The following TRIO variants were observed in gnomAD, a reference collection of about 807,000 sequenced individuals.
TRIO encodes the protein triple functional domain protein.
In TRIO, 58 loss-of-function variants were observed where a neutral mutation model predicts 351.9. The ratio of observed to expected loss-of-function variants is 0.16; its 90% confidence interval spans 0.13 to 0.21. TRIO has a LOEUF of 0.21. Among genes scored for constraint, TRIO ranks in the 10% least tolerant of loss-of-function variants. TRIO has a pLI of 1.00. For missense variants in TRIO, 3,201 were observed against 4,027.8 expected, an observed-to-expected ratio of 0.79 and a Z score of 5.56; for synonymous variants, 1,758 against 1,595.7, an observed-to-expected ratio of 1.10 and a Z score of -2.42.
In TRIO at chr5:14,456,052, C is replaced by T. The variant is rs1200736869; in HGVS notation, c.5204-4967C>T. 6.6e-5 allele frequency among the ~76,000 whole-genome samples: 10 copies of T among 152,256 alleles called. No individual in the cohort carries two copies. The East Asian group carries it at 1.3e-3, about 21-fold the overall frequency. On this transcript the variant is annotated intron_variant, in intron 34 of 56. Transcript: ENST00000344204. Reference sequence around the variant, plus strand: ...GCCTGGCGAGAATTCAAGCGCGGTGCGGGCGGGCTGGCTGGCAGTGCTGGG... The same window carrying T: ...GCCTGGCGAGAATTCAAGCGCGGTGTGGGCGGGCTGGCTGGCAGTGCTGGG...
chr5:14,358,167 C>T lies in TRIO; in HGVS notation c.2047-11C>T. 4 of 1,609,286 alleles carry T rather than the reference C, an allele frequency of 2.5e-6. No individual in the cohort carries two copies. The highest frequency in any genetic ancestry group is 3.4e-6 in the Non-Finnish European group (4 of 1,176,506). ...GGCCGGCCGGCCTCACCCCCCTCTC[C>T]CCTTCCCCAGCTGTGGACGTGGCTG... On this transcript the variant is annotated splice_polypyrimidine_tract_variant and intron_variant, in intron 11 of 56. Transcript: ENST00000344204.
intron 33 of TRIO, among the ~76,000 whole-genome samples, chr5:14,414,536 C>T (rs953231712): frequency 6.6e-6 from 1 of 152,168 alleles, no homozygotes; most frequent in Non-Finnish European, 1.5e-5. Flanking sequence ...ACTGTCCTCA[C>T]TCCTTCTTTT....
At chr5:14,485,564 A>G (rs1415599884) in intron 47 of TRIO, among the ~76,000 whole-genome samples, 1 of 152,150 alleles carries the variant, frequency 6.6e-6, no homozygotes. Flanking sequence ...TCGCAGCTAC[A>G]CTGTCCCACA....
intron 1 of TRIO, among the ~76,000 whole-genome samples, chr5:14,174,479 A>G (rs1789290957): frequency 6.6e-6 from 1 of 151,920 alleles, no homozygotes; most frequent in Non-Finnish European, 1.5e-5. Context: ...ACTTCCTCTC[A>G]CCTTCCTAGT....
chr5:14,256,082 C>G (rs559598126), intron 1 of TRIO, among the ~76,000 whole-genome samples: 1 of 152,234 alleles, frequency 6.6e-6, no homozygotes, highest in South Asian at 2.1e-4. Context: ...TTTATTTTGG[C>G]TCATTGTTCT....
At chr5:14,460,950 T>C (rs1579722854) in intron 34 of TRIO, 69 bp from the exon 35 acceptor site, 1 of 1,445,156 alleles carries the variant, frequency 6.9e-7, no homozygotes, top group East Asian at 2.5e-5. Flanking sequence ...GCCTGCGGGA[T>C]AATGGCATGG....
intron 1 of TRIO, among the ~76,000 whole-genome samples, chr5:14,199,291 A>G (rs1165075888): frequency 1.3e-5 from 2 of 150,146 alleles, no homozygotes; most frequent in African/African-American, 4.9e-5. Flanking sequence ...GTTGTGAGGT[A>G]TTTATATTAA....
intron 27 of TRIO, among the ~76,000 whole-genome samples, chr5:14,392,457 G>T (rs1443602235): frequency 6.6e-6 from 1 of 152,196 alleles, no homozygotes; most frequent in Non-Finnish European, 1.5e-5. Flanking sequence ...TGGAGAAATA[G>T]GAATGCTTTT....
chr5:14,190,226 G>A (rs1040891062), intron 1 of TRIO, among the ~76,000 whole-genome samples: 3 of 152,098 alleles, frequency 2.0e-5, no homozygotes, highest in South Asian at 2.1e-4. Flanking sequence ...CTGCTTGTGC[G>A]GTGCCAGGCA....
At chr5:14,343,729 C>T (rs1314193278) in intron 11 of TRIO, among the ~76,000 whole-genome samples, 1 of 152,206 alleles carries the variant, frequency 6.6e-6, no homozygotes, top group Non-Finnish European at 1.5e-5. Flanking sequence ...TATGAACAAT[C>T]CTGTCTAGGT....
At chr5:14,475,013 A>G (rs1209670050) in intron 40 of TRIO, among the ~76,000 whole-genome samples, 1 of 152,274 alleles carries the variant, frequency 6.6e-6, no homozygotes, top group South Asian at 2.1e-4. Context: ...ACGATTGCCC[A>G]TGAAATTCAA....
In TRIO at chr5:14,207,493, C is replaced by CAG. The variant is rs1368546119; in HGVS notation, c.158-63331_158-63330dup. Among the ~76,000 whole-genome samples the CAG allele has an allele frequency of 2.7e-4, 16 of 60,020 alleles. 2 individuals are homozygous for CAG. Among genetic ancestry groups the CAG allele is most frequent in the Non-Finnish European group, 4.5e-4 (11 of 24,334 alleles). 39.4% of individuals were successfully genotyped at this position (60,020 alleles called of 152,430 possible). ...ACACACACACACACACACACACACACAGCCAGGTAGCATAGCAAGACTGTC... is the reference window on the plus strand; with the variant it reads ...ACACACACACACACACACACACACACAGAGCCAGGTAGCATAGCAAGACTGTC... On this transcript the variant is annotated intron_variant, in intron 1 of 56. Coordinates refer to ENST00000344204, the MANE Select transcript of TRIO (RefSeq NM_007118.4).
rs533934496 is a variant in TRIO, at chr5:14,238,627, G to A, written c.158-32198G>A. 4.6e-5 allele frequency among the ~76,000 whole-genome samples: 7 copies of A among 152,330 alleles called. No individual in the cohort carries two copies. The South Asian group carries it at 1.5e-3, about 32-fold the overall frequency. On this transcript the variant is annotated intron_variant, in intron 1 of 56. Transcript: ENST00000344204. ...AGCAGACGATATTAAAGAGAATTCAGTGTTAATGTAACTTTTCATATTTCA... is the reference window on the plus strand; with the variant it reads ...AGCAGACGATATTAAAGAGAATTCAATGTTAATGTAACTTTTCATATTTCA...
chr5:14,423,683 A>G (rs1312476598), intron 34 of TRIO, among the ~76,000 whole-genome samples: 1 of 152,178 alleles, frequency 6.6e-6, no homozygotes, highest in African/African-American at 2.4e-5. Flanking sequence ...AACCTGGGCA[A>G]ATGAGCGTCT....
At chr5:14,300,023 G>C (rs760603925) in intron 7 of TRIO, among the ~76,000 whole-genome samples, 1 of 152,188 alleles carries the variant, frequency 6.6e-6, no homozygotes, top group Non-Finnish European at 1.5e-5. Flanking sequence ...AGATGTGTCA[G>C]CCAGTCTGTT....
At chr5:14,163,628 G>T (rs749392352) in intron 1 of TRIO, among the ~76,000 whole-genome samples, 3 of 152,180 alleles carry the variant, frequency 2.0e-5, no homozygotes, top group East Asian at 1.9e-4. Flanking sequence ...ATTGCCTCTT[G>T]CAGGGAGCTG....
chr5:14,154,034 G>A (rs960602879), intron 1 of TRIO, among the ~76,000 whole-genome samples: 2 of 152,006 alleles, frequency 1.3e-5, no homozygotes, highest in African/African-American at 4.8e-5. Flanking sequence ...TACCTTTTAC[G>A]TAAATAACCC....
intron 1 of TRIO, among the ~76,000 whole-genome samples, chr5:14,189,303 G>T (rs1790320472): frequency 6.6e-6 from 1 of 152,236 alleles, no homozygotes; most frequent in South Asian, 2.1e-4. Flanking sequence ...TGTCCCCATG[G>T]TTTGATGAAG....
chr5:14,397,011 C>G, intron 28 of TRIO, 32 bp from the exon 29 acceptor site: 6 of 1,566,710 alleles, frequency 3.8e-6, no homozygotes, highest in Non-Finnish European at 5.2e-6. Context: ...ATTCTGCAGT[C>G]TTTACCTAGT....
Sources: allele counts gnomAD v4.1 joint callset (sites outside exome capture counted in the v4.1 genomes callset), GRCh38; gene constraint gnomAD v4.1.1; transcripts MANE v1.5; gene names NCBI Gene and HGNC (gene_info 2026-07-23, HGNC 2026-07-21).